Variants in MYBPC1 observed in about 807,000 individuals in gnomAD.
The protein encoded by MYBPC1 is myosin-binding protein C, slow-type.
Under a neutral mutation model 147.1 loss-of-function variants are expected in MYBPC1, and 52 were observed. That is an observed-to-expected ratio of 0.35 (90% confidence interval 0.28 to 0.45). The LOEUF is 0.45. MYBPC1 is among the 20% of genes least tolerant of loss of function. MYBPC1 has a pLI of 1.00. For synonymous variants in MYBPC1, 477 were observed against 475.9 expected (o/e 1.00, Z -0.03); for missense variants, 1,228 against 1,440.3 (o/e 0.85, Z 2.39).
At position 101,659,603 on chromosome 12, in the gene MYBPC1, T is replaced by G. The variant is rs1896179887; in HGVS notation, c.1768-69T>G. ...CTATAGTCTGCTGAATTGCTCAATT[T>G]ATAGGAGACTCTGAAGTAGCCCTGT... is the stretch of plus-strand genomic sequence containing the variant. On this transcript the variant is annotated intron_variant, in intron 18 of 31. Transcript: ENST00000361466. 7 of 1,547,364 alleles carry G rather than the reference T, an allele frequency of 4.5e-6. No individual in the cohort carries two copies. The Admixed American group carries it at 1.0e-4, about 22-fold the overall frequency.
rs985572396 is a variant in MYBPC1, at chr12:101,663,274, A to G, written c.2222-152A>G. ...CATTGATCAGCTCTTTGCCTTACAC[A>G]CATCCATGCTCAAGGTGTCTTAACT... On this transcript the variant is annotated intron_variant, in intron 21 of 31. Coordinates refer to ENST00000361466, the MANE Select transcript of MYBPC1 (RefSeq NM_002465.4). 1.9e-5 allele frequency: 14 copies of G among 740,162 alleles called. No homozygotes were observed. The African/African-American group carries it at 2.4e-4, about 13-fold the overall frequency. 45.8% of individuals were successfully genotyped at this position (740,162 alleles called of 1,614,324 possible). A position where few individuals can be genotyped will look rare whatever the true frequency, so the allele number is the denominator to read the frequency against.
rs1889454649 is a variant in MYBPC1, at chr12:101,629,687, A to T, written c.289+143A>T. Reference sequence around the variant, plus strand: ...CAGGAGTTCGAGACCAGCCTGGCCAACATGGTGAAACCCAGTCCCTACTAA... The same window carrying T: ...CAGGAGTTCGAGACCAGCCTGGCCATCATGGTGAAACCCAGTCCCTACTAA... On this transcript the variant is annotated intron_variant, in intron 6 of 31. Coordinates refer to ENST00000361466, the MANE Select transcript of MYBPC1 (RefSeq NM_002465.4). 5.9e-6 allele frequency: 4 copies of T among 673,636 alleles called. No homozygotes were observed. The East Asian group carries it at 1.2e-4, about 20-fold the overall frequency. The allele number at this position is 673,636 out of a possible 1,614,324, so 41.7% of individuals were successfully genotyped here.
Position 101,631,583 on chromosome 12 carries a change from C to T in MYBPC1, c.302C>T (p.Thr101Ile). Residue 101 changes from threonine to isoleucine, a missense_variant, in exon 7 of 32, where the codon ACC (threonine) becomes ATC (isoleucine). By Grantham distance (89) the Thr-to-Ile change is moderately conservative. Around this residue, in one of 2 missense-constraint regions of MYBPC1, gnomAD observed 151 missense variants for 126.1 expected, o/e 1.20. Transcript: ENST00000361466. Reference protein sequence around the residue: ...GGTVKVGEDITFIAKVKAEDL... With the variant: ...GGTVKVGEDIIFIAKVKAEDL... ...ATGCTTCTTCTAGGTGAAGATATCA[C>T]CTTCATAGCCAAAGTCAAGGCTGAA... 6.2e-7 allele frequency: 1 copy of T among 1,614,020 alleles called. No individual in the cohort carries two copies. The highest frequency in any genetic ancestry group is 1.1e-5 in the South Asian group (1 of 91,038).
chr12:101,674,969 G>C (rs1899595832), intron 25 of MYBPC1, among the ~76,000 whole-genome samples: 1 of 151,076 alleles, frequency 6.6e-6, no homozygotes. Flanking sequence ...TTTGCTGAAA[G>C]TTGCTCTAAC....
At chr12:101,610,867 A>G (rs1009709362) in intron 1 of MYBPC1, among the ~76,000 whole-genome samples, 6 of 152,204 alleles carry the variant, frequency 3.9e-5, no homozygotes, top group Non-Finnish European at 8.8e-5. Flanking sequence ...TGCAGAGCCC[A>G]GGCTCTGAGT....
intron 7 of MYBPC1, 65 bp from the exon 8 acceptor site, chr12:101,631,956 A>T: frequency 7.1e-7 from 1 of 1,400,632 alleles, no homozygotes; most frequent in Non-Finnish European, 1.0e-6. Flanking sequence ...ACACAGCTTT[A>T]AGCCAATGCT....
chr12:101,692,923 T>C, the MYBPC1 span, among the ~76,000 whole-genome samples: 1 of 151,284 alleles, frequency 6.6e-6, no homozygotes, highest in East Asian at 1.9e-4. Flanking sequence ...AGTTTAAAAA[T>C]GGTTTCTATA....
intron 1 of MYBPC1, among the ~76,000 whole-genome samples, chr12:101,601,505 A>G (rs7978348): frequency 0.018 from 2,815 of 152,304 alleles, 85 homozygotes; most frequent in African/African-American, 0.065. Context: ...CGGAGACCAG[A>G]ATCATTCAAT....
chr12:101,646,231 A>C (rs774475672), intron 12 of MYBPC1, among the ~76,000 whole-genome samples: 31 of 152,172 alleles, frequency 2.0e-4, no homozygotes, highest in South Asian at 4.1e-4. Flanking sequence ...AGAAAATTAT[A>C]ATGGAAATTA....
At chr12:101,650,487 T>C (rs992439867) in intron 15 of MYBPC1, among the ~76,000 whole-genome samples, 1 of 152,072 alleles carries the variant, frequency 6.6e-6, no homozygotes, top group African/African-American at 2.4e-5. Flanking sequence ...CAAGGAGAAG[T>C]ACCAAGCAAA....
chr12:101,683,441 A>T (rs538901915), intron 30 of MYBPC1, among the ~76,000 whole-genome samples: 1 of 152,206 alleles, frequency 6.6e-6, no homozygotes, highest in East Asian at 1.9e-4. Context: ...AAAATAAAAA[A>T]AATAAATTGG....
rs1468480877 is a variant in MYBPC1, at chr12:101,677,253, G to C, written c.2968G>C (p.Glu990Gln). Residue 990 changes from glutamate (E) to glutamine (Q), a missense_variant, in exon 27 of 32, where the codon GAG becomes CAG. By Grantham distance (29) the Glu-to-Gln change is conservative. Transcript: ENST00000361466. ...CTTTTAGGAATGGTTTACTGTCATT[G>C]AGCATTATCATCGAACCAGTGCCAC... is the stretch of plus-strand genomic sequence containing the variant. ...KKSMEWFTVI[E>Q]HYHRTSATIT... 1 of 1,613,172 alleles carries C rather than the reference G, an allele frequency of 6.2e-7. No individual in the cohort carries two copies. Among genetic ancestry groups the C allele is most frequent in the Non-Finnish European group, 8.5e-7 (1 of 1,179,536 alleles).
chr12:101,623,217 T>C (rs1383725826), intron 3 of MYBPC1, among the ~76,000 whole-genome samples: 1 of 152,148 alleles, frequency 6.6e-6, no homozygotes, highest in Non-Finnish European at 1.5e-5. Flanking sequence ...CAGACGTCTG[T>C]AGTCTCAGCT....
intron 22 of MYBPC1, chr12:101,666,615 C>A: frequency 1.1e-6 from 1 of 942,510 alleles, no homozygotes; most frequent in Non-Finnish European, 1.7e-6. Flanking sequence ...TCTTCCGTCA[C>A]TGCTCTGAGG....
intron 24 of MYBPC1, among the ~76,000 whole-genome samples, chr12:101,672,674 C>G (rs751622635): frequency 1.3e-5 from 2 of 151,974 alleles, no homozygotes; most frequent in South Asian, 2.1e-4. Context: ...TTGGTGAAAC[C>G]CTGTTTCTAC....
chr12:101,669,947 A>G (rs1486541100), intron 23 of MYBPC1: 8 of 351,758 alleles, frequency 2.3e-5, no homozygotes, highest in Non-Finnish European at 3.2e-5. Flanking sequence ...AAAGAAAAAA[A>G]AAAAGAAACT....
At chr12:101,600,735 A>G (rs1051575241) in intron 1 of MYBPC1, among the ~76,000 whole-genome samples, 3 of 152,164 alleles carry the variant, frequency 2.0e-5, no homozygotes, top group Non-Finnish European at 4.4e-5. Flanking sequence ...CTGCTCCTTA[A>G]TTAGTCTATG....
chr12:101,614,098 T>C (rs1260166265), intron 1 of MYBPC1, among the ~76,000 whole-genome samples: 1 of 152,126 alleles, frequency 6.6e-6, no homozygotes. Context: ...GTCCTGCCCA[T>C]ATAAGATGCG....
chr12:101,675,462 A>G (rs1218324741), intron 26 of MYBPC1, 31 bp downstream of exon 26: 2 of 1,613,856 alleles, frequency 1.2e-6, no homozygotes, highest in East Asian at 2.2e-5. Flanking sequence ...GTTCATCAGT[A>G]GCAAAAGGCA....
Sources: gnomAD v4.1 joint callset for allele counts (sites outside exome capture counted in the v4.1 genomes callset) on GRCh38, gnomAD v4.1.1 for gene constraint, gnomAD v4.1.1 regional missense constraint, MANE v1.5 for transcripts, NCBI Gene and HGNC (gene_info 2026-07-23, HGNC 2026-07-21) for gene names.